XKR6: variants seen among roughly 807,000 people sequenced by gnomAD.
XKR6 encodes XK-related protein 6.
A neutral mutation model predicts 56.7 loss-of-function variants in XKR6; 22 were observed. The ratio of observed to expected loss-of-function variants is 0.39; its 90% CI spans 0.28 to 0.55. The LOEUF (loss-of-function observed/expected upper bound fraction) is 0.55. Among genes scored for constraint, XKR6 ranks in the 20% least tolerant of loss-of-function variants. The pLI is 0.66. For synonymous variants in XKR6, 524 were observed against 387.8 expected, an observed-to-expected ratio of 1.35 and a Z score of -4.13; for missense variants, 852 against 889.0, an observed-to-expected ratio of 0.96 and a Z score of 0.53.
chr8:11,178,547 A>T (rs10085919), intron 1 of XKR6, among the ~76,000 whole-genome samples: 16,865 of 86,900 alleles, frequency 0.19, 1,345 homozygotes, highest in African/African-American at 0.31. Context: ...GAGAGGTAAA[A>T]ATATATATAT....
intron 1 of XKR6, among the ~76,000 whole-genome samples, chr8:10,967,794 T>C (rs1802270989): frequency 6.6e-6 from 1 of 152,210 alleles, no homozygotes; most frequent in African/African-American, 2.4e-5. Context: ...AGGAGGCTCC[T>C]GCTCCTGGCG....
At chr8:11,130,847 C>T (rs1800070311) in intron 1 of XKR6, among the ~76,000 whole-genome samples, 1 of 152,084 alleles carries the variant, frequency 6.6e-6, no homozygotes, top group Non-Finnish European at 1.5e-5. Context: ...GGACTCCAGT[C>T]CCTTAAGTAT....
At chr8:10,928,891 G>T (rs1258544318) in intron 1 of XKR6, among the ~76,000 whole-genome samples, 1 of 152,206 alleles carries the variant, frequency 6.6e-6, no homozygotes, top group Non-Finnish European at 1.5e-5. Context: ...CCCAAAGTCG[G>T]TGTCACCTCC....
At chr8:11,179,138 T>C (rs1802836768) in intron 1 of XKR6, among the ~76,000 whole-genome samples, 2 of 150,268 alleles carry the variant, frequency 1.3e-5, no homozygotes, top group Non-Finnish European at 3.0e-5. Context: ...ATTACAAGCA[T>C]GAGTCATCAC....
chr8:11,117,481 G>C (rs1326038333), intron 1 of XKR6, among the ~76,000 whole-genome samples: 3 of 152,218 alleles, frequency 2.0e-5, no homozygotes, highest in Admixed American at 6.5e-5. Flanking sequence ...TGACGGCGTG[G>C]AGACAGCGGC....
At chr8:11,079,023 G>T (rs1800345855) in intron 1 of XKR6, among the ~76,000 whole-genome samples, 1 of 152,256 alleles carries the variant, frequency 6.6e-6, no homozygotes, top group African/African-American at 2.4e-5. Flanking sequence ...GAGGAACAGG[G>T]CGCTGCAGGG....
chr8:11,071,966 T>A (rs1037765372), intron 1 of XKR6, among the ~76,000 whole-genome samples: 8 of 152,192 alleles, frequency 5.3e-5, no homozygotes, highest in African/African-American at 1.9e-4. Flanking sequence ...AAGTCCAGAA[T>A]AATATACAAA....
intron 1 of XKR6, among the ~76,000 whole-genome samples, chr8:10,952,901 C>A (rs1401205584): frequency 6.6e-6 from 1 of 152,186 alleles, no homozygotes; most frequent in East Asian, 1.9e-4. Context: ...GCTCTGCCTC[C>A]TGCCAGATCA....
At chr8:11,121,993 C>A (rs536887365) in intron 1 of XKR6, among the ~76,000 whole-genome samples, 1 of 152,218 alleles carries the variant, frequency 6.6e-6, no homozygotes, top group South Asian at 2.1e-4. Flanking sequence ...AATAAGAACA[C>A]TTGGATACAG....
intron 1 of XKR6, among the ~76,000 whole-genome samples, chr8:11,192,371 G>A (rs1008161912): frequency 6.6e-6 from 1 of 151,978 alleles, no homozygotes; most frequent in African/African-American, 2.4e-5. Flanking sequence ...GGATGGTCTC[G>A]ATCTCCTGAC....
chr8:11,038,137 T>C (rs922708272), intron 1 of XKR6, among the ~76,000 whole-genome samples: 3 of 152,366 alleles, frequency 2.0e-5, no homozygotes, highest in African/African-American at 7.2e-5. Context: ...GGGCCGGTTT[T>C]TCTCATTTGC....
intron 1 of XKR6, among the ~76,000 whole-genome samples, chr8:11,045,008 G>A (rs2129157420): frequency 6.9e-6 from 1 of 145,340 alleles, no homozygotes; most frequent in African/African-American, 2.5e-5. Flanking sequence ...CAACTCCAGT[G>A]ATCTTTGCTT....
intron 1 of XKR6, among the ~76,000 whole-genome samples, chr8:10,926,973 G>A (rs150544175): frequency 1.4e-4 from 22 of 152,306 alleles, no homozygotes; most frequent in African/African-American, 4.1e-4. Context: ...AGACACACAC[G>A]GAGAGACACA....
chr8:11,145,739 G>A (rs527799582), intron 1 of XKR6, among the ~76,000 whole-genome samples: 1 of 152,082 alleles, frequency 6.6e-6, no homozygotes, highest in Non-Finnish European at 1.5e-5. Context: ...CATATTCATG[G>A]GTCAGAAGGT....
chr8:10,906,881 T>G (rs1417506576), intron 2 of XKR6, among the ~76,000 whole-genome samples: 1 of 152,074 alleles, frequency 6.6e-6, no homozygotes, highest in Non-Finnish European at 1.5e-5. Flanking sequence ...TAGTCTCCAC[T>G]AAAATACAAA....
chr8:11,124,059 GCT>G (rs1381448648), intron 1 of XKR6: 2 of 454,044 alleles, frequency 4.4e-6, no homozygotes, highest in Non-Finnish European at 8.9e-6. Flanking sequence ...TCCTGCTTGA[GCT>G]CTCTCTCTCT....
chr8:10,937,408 G>C (rs1801237303), intron 1 of XKR6, among the ~76,000 whole-genome samples: 1 of 151,460 alleles, frequency 6.6e-6, no homozygotes, highest in African/African-American at 2.4e-5. Context: ...GCTTGTCAAA[G>C]TCATTCTCCA....
At chr8:10,920,773 G>A (rs1409307771) in intron 2 of XKR6, among the ~76,000 whole-genome samples, 2 of 152,242 alleles carry the variant, frequency 1.3e-5, no homozygotes, top group African/African-American at 2.4e-5. Context: ...AAACCCAGCT[G>A]ATGCTATAGC....
intron 1 of XKR6, among the ~76,000 whole-genome samples, chr8:11,080,032 T>G (rs1287716416): frequency 6.6e-6 from 1 of 151,712 alleles, no homozygotes; most frequent in Non-Finnish European, 1.5e-5. Flanking sequence ...AATAAAATAA[T>G]CATAAAAGGT....
Sources: gnomAD v4.1 joint callset for allele counts (sites outside exome capture counted in the v4.1 genomes callset) on GRCh38, gnomAD v4.1.1 for gene constraint, MANE v1.5 for transcripts, NCBI Gene and HGNC (gene_info 2026-07-23, HGNC 2026-07-21) for gene names.